KCNIP4: variants seen among roughly 807,000 people sequenced by gnomAD.
The protein encoded by KCNIP4 is Kv channel-interacting protein 4.
KCNIP4 carries 12 observed loss-of-function variants against 34.0 expected under a neutral mutation model. The observed-to-expected ratio is 0.35, with a 90% CI of 0.23 to 0.57. The LOEUF (loss-of-function observed/expected upper bound fraction) is 0.57. KCNIP4 is among the 20% of genes least tolerant of loss of function. KCNIP4 has a pLI of 0.83. For synonymous variants in KCNIP4, 124 were observed against 102.2 expected (o/e 1.21, Z -1.29); for missense variants, 238 against 311.7 (o/e 0.76, Z 1.78).
intron 1 of KCNIP4, among the ~76,000 whole-genome samples, chr4:21,497,291 C>T (rs151274955): frequency 6.6e-6 from 1 of 152,310 alleles, no homozygotes; most frequent in African/African-American, 2.4e-5. Context: ...GCTTGGCACA[C>T]ACTCAGTCTT....
chr4:21,500,034 A>T (rs1733184036), intron 1 of KCNIP4, among the ~76,000 whole-genome samples: 1 of 152,202 alleles, frequency 6.6e-6, no homozygotes, highest in Non-Finnish European at 1.5e-5. Context: ...CCTAAAATTA[A>T]TTTGAGATAA....
At chr4:21,345,792 A>G in intron 1 of KCNIP4, among the ~76,000 whole-genome samples, 1 of 152,138 alleles carries the variant, frequency 6.6e-6, no homozygotes, top group African/African-American at 2.4e-5. Flanking sequence ...CTCCTTAAAA[A>G]TATGAAATTT....
intron 1 of KCNIP4, among the ~76,000 whole-genome samples, chr4:21,172,460 G>C (rs1002895757): frequency 2.0e-5 from 3 of 152,146 alleles, no homozygotes; most frequent in African/African-American, 4.8e-5. Context: ...AAAAACTAGT[G>C]GGGGGAAGAG....
intron 1 of KCNIP4, among the ~76,000 whole-genome samples, chr4:21,618,008 G>T (rs1417085103): frequency 6.6e-6 from 1 of 152,180 alleles, no homozygotes; most frequent in Non-Finnish European, 1.5e-5. Context: ...AAGGACTTTA[G>T]AAGGGACATG....
rs536952123 is a variant in KCNIP4 at position 20,784,226 on chromosome 4, T to C, written c.289-25336A>G. 4.6e-5 allele frequency among the ~76,000 whole-genome samples: 7 copies of C among 152,308 alleles called. No individual in the cohort carries two copies. In the South Asian group the frequency reaches 1.4e-3, roughly 32 times the overall value. On this transcript the variant is annotated intron_variant, in intron 3 of 8. Coordinates refer to ENST00000382152, the MANE Select transcript of KCNIP4 (RefSeq NM_025221.6). ...ATTAATCCCAGAACATTAGTTTGCTTGAATTGAAAAGGCACATCACGTTCA... is the reference window on the plus strand; with the variant it reads ...ATTAATCCCAGAACATTAGTTTGCTCGAATTGAAAAGGCACATCACGTTCA...
intron 1 of KCNIP4, among the ~76,000 whole-genome samples, chr4:21,717,264 C>T (rs947333633): frequency 6.6e-6 from 1 of 152,002 alleles, no homozygotes; most frequent in Non-Finnish European, 1.5e-5. Context: ...GTAATATCAC[C>T]CTGGATAGAG....
intron 1 of KCNIP4, among the ~76,000 whole-genome samples, chr4:21,291,302 G>T: frequency 6.7e-6 from 1 of 150,056 alleles, no homozygotes; most frequent in Admixed American, 6.9e-5. Context: ...GTATGTGTAT[G>T]TGTGTGGAGT....
At chr4:20,923,402 A>G (rs1379941484) in intron 1 of KCNIP4, among the ~76,000 whole-genome samples, 1 of 152,166 alleles carries the variant, frequency 6.6e-6, no homozygotes, top group Non-Finnish European at 1.5e-5. Context: ...TGTCTTGAGA[A>G]TGAGGTATCT....
intron 1 of KCNIP4, among the ~76,000 whole-genome samples, chr4:21,835,249 C>T (rs1000733253): frequency 6.6e-6 from 1 of 151,836 alleles, no homozygotes; most frequent in Non-Finnish European, 1.5e-5. Context: ...AAAGACAAAC[C>T]AGAGACAACA....
At chr4:21,543,289 T>C (rs192271302) in intron 1 of KCNIP4, among the ~76,000 whole-genome samples, 69 of 152,298 alleles carry the variant, frequency 4.5e-4, no homozygotes, top group African/African-American at 1.6e-3. Flanking sequence ...TATTTTATTT[T>C]AGAATGTTAC....
intron 1 of KCNIP4, among the ~76,000 whole-genome samples, chr4:21,946,473 C>T (rs1334467526): frequency 1.3e-5 from 2 of 152,080 alleles, no homozygotes; most frequent in East Asian, 1.9e-4. Flanking sequence ...AAATGGAAGA[C>T]AGAGTTTAAG....
At position 20,751,733 on chromosome 4, in the gene KCNIP4, A is replaced by G. The variant is rs149473757; in HGVS notation, c.359-2001T>C. ...ATAACATGGGTATATGATAATTACT[A>G]TTCTTCTCAAATGGAGTTTTTCTAG... On this transcript the variant is annotated intron_variant, in intron 4 of 8. Transcript: ENST00000382152. 4.2e-3 allele frequency among the ~76,000 whole-genome samples: 646 copies of G among 152,298 alleles called. 8 individuals carry two copies. The highest frequency in any genetic ancestry group is 0.012 in the Admixed American group (179 of 15,296).
intron 3 of KCNIP4, among the ~76,000 whole-genome samples, chr4:20,761,248 CT>C (rs1468365092): frequency 6.6e-6 from 1 of 152,176 alleles, no homozygotes; most frequent in Non-Finnish European, 1.5e-5. Context: ...AGATATCAAG[CT>C]GGCCAAGGCT....
intron 1 of KCNIP4, among the ~76,000 whole-genome samples, chr4:21,577,936 T>A (rs951575406): frequency 6.6e-6 from 1 of 152,224 alleles, no homozygotes; most frequent in Non-Finnish European, 1.5e-5. Context: ...TTCTTACATA[T>A]ATTCTGGAGA....
intron 2 of KCNIP4, among the ~76,000 whole-genome samples, chr4:20,858,174 G>GCA (rs1311393023): frequency 3.2e-5 from 4 of 126,908 alleles, no homozygotes; most frequent in Non-Finnish European, 6.3e-5. Context: ...TCTCGCTACT[G>GCA]CACTCCAGCT....
intron 1 of KCNIP4, among the ~76,000 whole-genome samples, chr4:21,838,471 C>T (rs1366494485): frequency 6.6e-6 from 1 of 152,176 alleles, no homozygotes; most frequent in Non-Finnish European, 1.5e-5. Flanking sequence ...GAGAACCTTT[C>T]CACCCCAGTC....
At chr4:21,589,019 A>T (rs1378126467) in intron 1 of KCNIP4, among the ~76,000 whole-genome samples, 1 of 150,982 alleles carries the variant, frequency 6.6e-6, no homozygotes. Flanking sequence ...GAGATAAAAG[A>T]AAGTCAAATC....
At chr4:20,855,092 C>T (rs1013967697) in intron 2 of KCNIP4, among the ~76,000 whole-genome samples, 3 of 152,138 alleles carry the variant, frequency 2.0e-5, no homozygotes, top group South Asian at 2.1e-4. Context: ...TCCATAGAAC[C>T]TTTCCTGGCC....
chr4:21,585,148 G>A (rs919962851), intron 1 of KCNIP4, among the ~76,000 whole-genome samples: 3 of 152,038 alleles, frequency 2.0e-5, no homozygotes, highest in African/African-American at 4.8e-5. Context: ...CAGTGCTGGG[G>A]TAAGCATTTG....
Sources: gnomAD v4.1 joint callset for allele counts (sites outside exome capture counted in the v4.1 genomes callset) on GRCh38, gnomAD v4.1.1 for gene constraint, MANE v1.5 for transcripts, NCBI Gene and HGNC (gene_info 2026-07-23, HGNC 2026-07-21) for gene names.